The following SBF1 variants were observed in gnomAD, a reference collection of about 807,000 sequenced individuals.
SBF1 encodes SET binding factor 1.
A neutral mutation model predicts 215.8 loss-of-function variants in SBF1; 65 were observed. The ratio of observed to expected loss-of-function variants is 0.30; its 90% CI spans 0.25 to 0.37. The LOEUF is 0.37. SBF1 is among the 10% of genes least tolerant of loss of function. The pLI is 1.00. For synonymous variants in SBF1, 1,410 were observed against 1,122.8 expected (o/e 1.26, Z -5.11); for missense variants, 2,634 against 2,667.8 (o/e 0.99, Z 0.28).
At chr22:50,471,744 G>C (rs374977334) in intron 1 of SBF1, among the ~76,000 whole-genome samples, 1 of 151,986 alleles carries the variant, frequency 6.6e-6, no homozygotes, top group Non-Finnish European at 1.5e-5. Context: ...GACCCCTTCC[G>C]GCTCCCAGGG....
chr22:50,459,780 C>A, intron 26 of SBF1, 114 bp from the exon 27 acceptor site: 1 of 1,354,496 alleles, frequency 7.4e-7, no homozygotes, highest in Non-Finnish European at 9.9e-7. Flanking sequence ...GCGCTTCCAG[C>A]TCAGCCACGG....
intron 1 of SBF1, among the ~76,000 whole-genome samples, chr22:50,472,941 C>A (rs140767418): frequency 6.6e-6 from 1 of 152,172 alleles, no homozygotes; most frequent in Non-Finnish European, 1.5e-5. Flanking sequence ...CTGCAGTGGA[C>A]CACTTATCAC....
At chr22:50,464,782 G>A (rs780501494) in intron 13 of SBF1, 37 bp downstream of exon 13, 11 of 1,612,174 alleles carry the variant, frequency 6.8e-6, no homozygotes, top group Non-Finnish European at 7.6e-6. Flanking sequence ...CAGGGATCAA[G>A]GCGGTACGAC....
chr22:50,473,716 C>T (rs1402468694), intron 1 of SBF1, among the ~76,000 whole-genome samples: 1 of 152,158 alleles, frequency 6.6e-6, no homozygotes, highest in Non-Finnish European at 1.5e-5. Flanking sequence ...AACAGGGTAA[C>T]TGGGAAGGCA....
intron 36 of SBF1, among the ~76,000 whole-genome samples, chr22:50,454,240 T>C (rs951100751): frequency 6.6e-6 from 1 of 152,006 alleles, no homozygotes; most frequent in East Asian, 1.9e-4. Flanking sequence ...GTGCTCAGAG[T>C]GGAGGCTGTG....
rs1215697742 is a variant in SBF1, at chr22:50,460,066, C to T, written c.3377G>A (p.Cys1126Tyr). 2.5e-6 allele frequency: 4 copies of T among 1,613,980 alleles called. No individual in the cohort carries two copies. The East Asian group carries it at 8.9e-5, about 36-fold the overall frequency. ...MTMSSLVERA[C>Y]CRDYQRLGLG... Reference sequence around the variant, plus strand: ...ACCGAGGCGCTGGTAGTCGCGACAGCAAGCCCTTTCCACCAGGCTGCTCAT... The same window carrying T: ...ACCGAGGCGCTGGTAGTCGCGACAGTAAGCCCTTTCCACCAGGCTGCTCAT... Residue 1126 changes from cysteine (C) to tyrosine (Y), a missense_variant, in exon 26 of 41, where the codon TGC becomes TAC. Transcript: ENST00000380817.
At chr22:50,471,328 A>AAGGC (rs1556440015) in intron 1 of SBF1, among the ~76,000 whole-genome samples, 3 of 151,300 alleles carry the variant, frequency 2.0e-5, no homozygotes, top group Admixed American at 6.6e-5. Context: ...GCAGGCCTGA[A>AAGGC]AGGCGGGCGG....
At chr22:50,448,096 C>T in intron 38 of SBF1, 137 bp downstream of exon 38, 1 of 792,944 alleles carries the variant, frequency 1.3e-6, no homozygotes, top group Non-Finnish European at 2.0e-6. Context: ...AGTTCGACAC[C>T]CCAAACCCCT....
In SBF1 at chr22:50,468,474, A is replaced by G. The variant is rs1339261256; in HGVS notation, c.56-13T>C. 6.3e-7 allele frequency: 1 copy of G among 1,576,526 alleles called. No individual in the cohort carries two copies. The highest frequency in any genetic ancestry group is 2.3e-5 in the East Asian group (1 of 42,894). ...CCTTCCCCACTCCCTGAGGACAAGA[A>G]CAGGGGGTCAGAGCACCCAACCCGC... On this transcript the variant is annotated splice_polypyrimidine_tract_variant and intron_variant, in intron 1 of 40. Coordinates refer to ENST00000380817, the MANE Select transcript of SBF1 (RefSeq NM_002972.4).
At chr22:50,449,745 G>A (rs914997423) in intron 36 of SBF1, among the ~76,000 whole-genome samples, 2 of 152,080 alleles carry the variant, frequency 1.3e-5, no homozygotes, top group African/African-American at 4.8e-5. Context: ...CTCTTTGAAA[G>A]AGCAACAATA....
chr22:50,447,289 C>T (rs778287242), intron 40 of SBF1, 33 bp downstream of exon 40: 3 of 1,613,266 alleles, frequency 1.9e-6, no homozygotes, highest in Admixed American at 1.7e-5. Context: ...CCGCAGAGCC[C>T]CTCCCCTCTC....
intron 18 of SBF1, 34 bp from the exon 19 acceptor site, chr22:50,462,507 C>G: frequency 6.2e-7 from 1 of 1,611,580 alleles, no homozygotes; most frequent in Non-Finnish European, 8.5e-7. Flanking sequence ...GCCGGGGCCA[C>G]GCTGCCCCAG....
At chr22:50,451,360 A>G in intron 36 of SBF1, among the ~76,000 whole-genome samples, 1 of 152,120 alleles carries the variant, frequency 6.6e-6, no homozygotes, top group East Asian at 1.9e-4. Context: ...ATTAAAAAAA[A>G]ATTCATTTGA....
rs913318539 is a variant in SBF1, at chr22:50,466,761, G to T, written c.550-51C>A. The T allele has an allele frequency of 2.3e-6, 3 of 1,319,024 alleles. No homozygotes were observed. The East Asian group carries it at 7.6e-5, about 34-fold the overall frequency. 81.7% of individuals were successfully genotyped at this position (1,319,024 alleles called of 1,614,324 possible). ...CAGTAGTTTGGCCAGAGCCAGCCCA[G>T]AGTCAGCCCAGAGCTCTGTGTCCCC... On this transcript the variant is annotated intron_variant, in intron 5 of 40. Coordinates refer to ENST00000380817, the MANE Select transcript of SBF1 (RefSeq NM_002972.4).
intron 1 of SBF1, among the ~76,000 whole-genome samples, chr22:50,469,269 G>A (rs528508254): frequency 1.3e-4 from 20 of 152,358 alleles, no homozygotes; most frequent in African/African-American, 3.1e-4. Flanking sequence ...AAGGCCATAG[G>A]ATGGGTGCTG....
intron 15 of SBF1, among the ~76,000 whole-genome samples, chr22:50,463,999 T>C (rs989059671): frequency 3.3e-5 from 5 of 152,152 alleles, no homozygotes; most frequent in Non-Finnish European, 7.3e-5. Context: ...AGCTCTGTTT[T>C]CCATCAAGTA....
intron 28 of SBF1, among the ~76,000 whole-genome samples, chr22:50,458,665 G>A (rs762647305): frequency 1.3e-5 from 2 of 152,234 alleles, no homozygotes; most frequent in Non-Finnish European, 2.9e-5. Flanking sequence ...CTGCCACCCC[G>A]TCCTGGGGCC....
rs1008179555 is a variant in SBF1, at chr22:50,446,765, G to A, written c.*377C>T. The A allele has an allele frequency of 1.3e-5, 7 of 540,620 alleles. No homozygotes were observed. The highest frequency in any genetic ancestry group is 1.9e-5 in the African/African-American group (1 of 53,536). 33.5% of individuals were successfully genotyped at this position (540,620 alleles called of 1,614,324 possible). On this transcript the variant is annotated 3_prime_UTR_variant, in exon 41 of 41. Coordinates refer to ENST00000380817, the MANE Select transcript of SBF1 (RefSeq NM_002972.4). ...AGATGGGACCCTCTGGGTAGGCCGAGAGCAGGCAGCCGGGGAGTGGGGAAG... is the reference window on the plus strand; with the variant it reads ...AGATGGGACCCTCTGGGTAGGCCGAAAGCAGGCAGCCGGGGAGTGGGGAAG...
At chr22:50,471,529 G>A (rs28645877) in intron 1 of SBF1, among the ~76,000 whole-genome samples, 4,846 of 152,304 alleles carry the variant, frequency 0.032, 241 homozygotes, top group African/African-American at 0.11. Flanking sequence ...GGCCGGCTCT[G>A]CTGCTTGTGG....
Sources: gnomAD v4.1 joint callset for allele counts (sites outside exome capture counted in the v4.1 genomes callset) on GRCh38, gnomAD v4.1.1 for gene constraint, MANE v1.5 for transcripts, NCBI Gene and HGNC (gene_info 2026-07-23, HGNC 2026-07-21) for gene names.